Variants in RFFL observed in about 807,000 individuals in gnomAD.
RFFL encodes the protein E3 ubiquitin-protein ligase rififylin.
A neutral mutation model predicts 40.4 loss-of-function variants in RFFL; 16 were observed. The observed-to-expected ratio is 0.40, with a 90% confidence interval of 0.27 to 0.60. The LOEUF (loss-of-function observed/expected upper bound fraction) is 0.60, where lower values mean the gene tolerates loss of function less well. RFFL is among the 20% of genes least tolerant of loss of function. The pLI, the probability that RFFL is intolerant of heterozygous loss-of-function variation, is 0.47. For missense variants in RFFL, 367 were observed against 451.7 expected (o/e 0.81, Z 1.70); for synonymous variants, 154 against 167.9 (o/e 0.92, Z 0.64).
rs535556226 is a variant in RFFL, at chr17:35,045,958, G to A, written c.-9+17618C>T. On this transcript the variant is annotated intron_variant, in intron 1 of 6. Coordinates refer to ENST00000394597, the MANE Select transcript of RFFL (RefSeq NM_001017368.2). ...GGAGTATCGCTTGAACCTGGGAGGCGGAGGTTGCGGTGAGCCAAGATTGCA... is the reference window on the plus strand; with the variant it reads ...GGAGTATCGCTTGAACCTGGGAGGCAGAGGTTGCGGTGAGCCAAGATTGCA... Among the ~76,000 whole-genome samples the A allele has an allele frequency of 3.8e-3, 582 of 151,532 alleles. 3 individuals are homozygous for A. Among genetic ancestry groups the A allele is most frequent in the African/African-American group, 0.013 (516 of 41,230 alleles).
chr17:35,073,200 C>T (rs2091359880), intron 1 of RFFL, among the ~76,000 whole-genome samples: 1 of 152,108 alleles, frequency 6.6e-6, no homozygotes, highest in African/African-American at 2.4e-5. Flanking sequence ...GTTGTTGGCC[C>T]AACTATCTGA....
chr17:35,061,702 A>G (rs1014989188), intron 1 of RFFL, among the ~76,000 whole-genome samples: 1 of 122,208 alleles, frequency 8.2e-6, no homozygotes, highest in Non-Finnish European at 1.6e-5. Flanking sequence ...TTTTTTTTTG[A>G]TATGGAGTCT....
upstream of RFFL, among the ~76,000 whole-genome samples, chr17:35,064,549 CAA>C (rs752636374): frequency 3.2e-4 from 22 of 68,656 alleles, no homozygotes; most frequent in African/African-American, 3.9e-4. Context: ...TGGTGTTATA[CAA>C]AAAAAAAAAA....
At chr17:35,087,457 A>AAGAG (rs2091437115) in intron 1 of RFFL, among the ~76,000 whole-genome samples, 1 of 152,184 alleles carries the variant, frequency 6.6e-6, no homozygotes, top group African/African-American at 2.4e-5. Context: ...GGTTTCTGAG[A>AAGAG]AGAGCTTTCT....
At chr17:35,029,669 C>T (rs1486183539) in intron 1 of RFFL, among the ~76,000 whole-genome samples, 3 of 151,470 alleles carry the variant, frequency 2.0e-5, no homozygotes, top group African/African-American at 7.3e-5. Context: ...TACAGGCGCC[C>T]ACCACACCTG....
chr17:35,022,929 T>A (rs2091018605), intron 2 of RFFL, among the ~76,000 whole-genome samples: 1 of 152,170 alleles, frequency 6.6e-6, no homozygotes, highest in African/African-American at 2.4e-5. Context: ...CAGCAGCTAG[T>A]CTGGCAGTCG....
rs1266074782 is a variant in RFFL, at chr17:35,006,158, A to G, written c.*5810T>C. ...TTGAAGAACAAAAGGAAGAGAGACA[A>G]TTTAGTGTAGACAAGTGCTATTCAA... On this transcript the variant is annotated 3_prime_UTR_variant, in exon 7 of 7. Coordinates refer to ENST00000394597, the MANE Select transcript of RFFL (RefSeq NM_001017368.2). The G allele has an allele frequency of 6.2e-6, 1 of 162,366 alleles. No homozygotes were observed. The highest frequency in any genetic ancestry group is 1.3e-5 in the Non-Finnish European group (1 of 74,250). The allele number at this position is 162,366 out of a possible 1,614,324, so 10.1% of individuals were successfully genotyped here.
In RFFL at chr17:35,007,734, AC is replaced by A. The variant is rs1415536333; in HGVS notation, c.*4233del. 4 of 147,270 alleles carry A rather than the reference AC, an allele frequency of 2.7e-5. No individual in the cohort carries two copies. Among genetic ancestry groups the A allele is most frequent in the Non-Finnish European group, 4.5e-5 (3 of 67,112 alleles). 9.1% of individuals were successfully genotyped at this position (147,270 alleles called of 1,614,324 possible). A position where few individuals can be genotyped will look rare whatever the true frequency, so the allele number is the denominator to read the frequency against. ...AGCAGTCTGTCACGAGGCTGGGCCA[AC>A]CTTTTTTTTTTTTTTAAACAGACTC... On this transcript the variant is annotated 3_prime_UTR_variant, in exon 7 of 7. Coordinates refer to ENST00000394597, the MANE Select transcript of RFFL (RefSeq NM_001017368.2).
At chr17:35,018,148 TTTC>T (rs2090986128) in intron 3 of RFFL, among the ~76,000 whole-genome samples, 2 of 152,144 alleles carry the variant, frequency 1.3e-5, no homozygotes, top group Admixed American at 6.6e-5. Context: ...TGGGACAAAG[TTTC>T]CAGATCATCA....
Position 35,011,523 on chromosome 17 carries a change from C to T in RFFL, c.*445G>A, listed in dbSNP as rs763889889. On this transcript the variant is annotated 3_prime_UTR_variant, in exon 7 of 7. Coordinates refer to ENST00000394597, the MANE Select transcript of RFFL (RefSeq NM_001017368.2). Reference sequence around the variant, plus strand: ...CAAAGATAGTTAAAGCACAGAAAGCCGGAGAGACCAGAAATTTAAATCCGA... The same window carrying T: ...CAAAGATAGTTAAAGCACAGAAAGCTGGAGAGACCAGAAATTTAAATCCGA... The T allele has an allele frequency of 8.4e-5, 14 of 166,024 alleles. No individual in the cohort carries two copies. Among genetic ancestry groups the T allele is most frequent in the Non-Finnish European group, 1.2e-4 (9 of 75,674 alleles). The allele number at this position is 166,024 out of a possible 1,614,324, so 10.3% of individuals were successfully genotyped here. A position where few individuals can be genotyped will look rare whatever the true frequency, so the allele number is the denominator to read the frequency against.
chr17:35,016,267 A>T (rs1201523039), intron 5 of RFFL, 103 bp downstream of exon 5: 1 of 1,017,000 alleles, frequency 9.8e-7, no homozygotes, highest in Non-Finnish European at 1.5e-6. Context: ...GTCTCCTTCC[A>T]TGGCTTAAGT....
At chr17:35,029,411 T>C (rs2142331171) in intron 1 of RFFL, among the ~76,000 whole-genome samples, 1 of 149,236 alleles carries the variant, frequency 6.7e-6, no homozygotes, top group East Asian at 2.0e-4. Context: ...TAGCATGATC[T>C]CGGCTCACTG....
chr17:35,061,182 C>A (rs2091288969), intron 1 of RFFL, among the ~76,000 whole-genome samples: 1 of 151,998 alleles, frequency 6.6e-6, no homozygotes, highest in South Asian at 2.1e-4. Context: ...ACAAATGGCA[C>A]CTTAAATGAA....
intron 1 of RFFL, among the ~76,000 whole-genome samples, chr17:35,039,637 T>C (rs1369500380): frequency 6.6e-6 from 1 of 152,106 alleles, no homozygotes; most frequent in Non-Finnish European, 1.5e-5. Flanking sequence ...AAAGCTCTTT[T>C]TCTGTGATCT....
chr17:35,067,471 T>C (rs2091326268), upstream of RFFL, among the ~76,000 whole-genome samples: 1 of 150,642 alleles, frequency 6.6e-6, no homozygotes, highest in Non-Finnish European at 1.5e-5. Context: ...TTTTTTTTTT[T>C]TTTGAGACAG....
chr17:35,046,677 A>G (rs1021399784), intron 1 of RFFL, among the ~76,000 whole-genome samples: 1 of 152,246 alleles, frequency 6.6e-6, no homozygotes, highest in African/African-American at 2.4e-5. Flanking sequence ...CAAGTTATAA[A>G]TGTTCTCAGA....
At chr17:35,023,707 T>G (rs2091023295) in intron 2 of RFFL, among the ~76,000 whole-genome samples, 1 of 152,228 alleles carries the variant, frequency 6.6e-6, no homozygotes, top group African/African-American at 2.4e-5. Context: ...AAGACCTAGC[T>G]TGACACAATT....
At chr17:35,080,379 T>C (rs1355989112) in intron 1 of RFFL, among the ~76,000 whole-genome samples, 2 of 152,078 alleles carry the variant, frequency 1.3e-5, no homozygotes, top group Non-Finnish European at 2.9e-5. Flanking sequence ...TAGCAGAAAA[T>C]GCAGAGGGTA....
intron 2 of RFFL, among the ~76,000 whole-genome samples, chr17:35,026,127 C>T (rs974716982): frequency 5.3e-5 from 8 of 152,226 alleles, no homozygotes; most frequent in African/African-American, 1.7e-4. Flanking sequence ...GAGGTTAGAT[C>T]ATATAGCTAG....
Sources: gnomAD v4.1 joint callset for allele counts (sites outside exome capture counted in the v4.1 genomes callset) on GRCh38, gnomAD v4.1.1 for gene constraint, MANE v1.5 for transcripts, NCBI Gene and HGNC (gene_info 2026-07-23, HGNC 2026-07-21) for gene names.